Variants in RSPO2 observed in about 807,000 individuals in gnomAD.
RSPO2 encodes the protein R-spondin 2.
A neutral mutation model predicts 30.9 loss-of-function variants in RSPO2; 14 were observed. The ratio of observed to expected loss-of-function variants is 0.45; its 90% CI spans 0.30 to 0.71. RSPO2 has a LOEUF of 0.71. Among genes scored for constraint, RSPO2 ranks in the 30% least tolerant of loss-of-function variants. The probability of loss-of-function intolerance (pLI) is 0.08; values close to 1 mark genes in which losing one functional copy is unlikely to be tolerated. For missense variants in RSPO2, 264 were observed against 301.9 expected, an observed-to-expected ratio of 0.87 and a Z score of 0.93; for synonymous variants, 107 against 96.4, an observed-to-expected ratio of 1.11 and a Z score of -0.64.
At chr8:108,005,555 G>C (rs1394744333) in intron 2 of RSPO2, among the ~76,000 whole-genome samples, 1 of 152,018 alleles carries the variant, frequency 6.6e-6, no homozygotes, top group East Asian at 1.9e-4. Flanking sequence ...CGTCAAACAA[G>C]CAGACAGAAA....
chr8:108,063,056 CA>C (rs58580480), intron 2 of RSPO2, among the ~76,000 whole-genome samples: 7,902 of 151,814 alleles, frequency 0.052, 807 homozygotes, highest in African/African-American at 0.17. Flanking sequence ...CTATTTATGA[CA>C]AACCCACAGC....
intron 2 of RSPO2, among the ~76,000 whole-genome samples, chr8:108,015,561 A>G (rs751690644): frequency 2.6e-5 from 4 of 152,044 alleles, no homozygotes; most frequent in Non-Finnish European, 4.4e-5. Flanking sequence ...GAATCCCGCT[A>G]AGTTAGCCAG....
chr8:108,015,208 G>A (rs961168749), intron 2 of RSPO2, among the ~76,000 whole-genome samples: 5 of 152,098 alleles, frequency 3.3e-5, no homozygotes, highest in African/African-American at 7.2e-5. Context: ...TATACATATT[G>A]AGATTATTTA....
At chr8:107,984,577 C>CT (rs897802258) in intron 3 of RSPO2, among the ~76,000 whole-genome samples, 4 of 152,074 alleles carry the variant, frequency 2.6e-5, no homozygotes, top group Admixed American at 6.5e-5. Flanking sequence ...AATTATTATG[C>CT]TTTTTTAAAC....
chr8:108,077,332 G>C (rs1484763011), intron 2 of RSPO2, among the ~76,000 whole-genome samples: 1 of 152,050 alleles, frequency 6.6e-6, no homozygotes, highest in African/African-American at 2.4e-5. Flanking sequence ...AAGAAGGAGG[G>C]AATCAGCAAT....
chr8:107,937,641 G>C (rs905721940), intron 5 of RSPO2, among the ~76,000 whole-genome samples: 1 of 150,952 alleles, frequency 6.6e-6, no homozygotes, highest in African/African-American at 2.4e-5. Flanking sequence ...AACAGAAGAA[G>C]GTGGCCAGAA....
At chr8:107,926,528 G>A (rs936487937) in intron 5 of RSPO2, among the ~76,000 whole-genome samples, 1 of 152,088 alleles carries the variant, frequency 6.6e-6, no homozygotes, top group Non-Finnish European at 1.5e-5. Flanking sequence ...GGTTTTTATG[G>A]TTTTAGGTCT....
intron 2 of RSPO2, among the ~76,000 whole-genome samples, chr8:108,020,925 T>C (rs892876154): frequency 6.6e-6 from 1 of 152,258 alleles, no homozygotes; most frequent in African/African-American, 2.4e-5. Context: ...TACATTTTCA[T>C]GTGCCCAGAG....
At chr8:108,079,773 C>A (rs1188160336) in intron 2 of RSPO2, among the ~76,000 whole-genome samples, 2 of 151,636 alleles carry the variant, frequency 1.3e-5, no homozygotes, top group South Asian at 2.1e-4. Flanking sequence ...ACTTGTAGCA[C>A]AAAGCCAAGA....
chr8:107,970,140 T>C (rs1813945433), intron 3 of RSPO2, among the ~76,000 whole-genome samples: 1 of 152,180 alleles, frequency 6.6e-6, no homozygotes, highest in African/African-American at 2.4e-5. Flanking sequence ...GACCATACGG[T>C]ATCTGTCTAA....
At chr8:108,011,705 C>T (rs900221479) in intron 2 of RSPO2, among the ~76,000 whole-genome samples, 1 of 152,056 alleles carries the variant, frequency 6.6e-6, no homozygotes, top group Non-Finnish European at 1.5e-5. Flanking sequence ...GAATGTGTGC[C>T]GTTTGAACCA....
intron 5 of RSPO2, among the ~76,000 whole-genome samples, chr8:107,929,121 A>ACGT (rs1812474177): frequency 6.6e-6 from 1 of 152,150 alleles, no homozygotes; most frequent in Admixed American, 6.5e-5. Flanking sequence ...CTGGTAGTAG[A>ACGT]CGTCTCTCTT....
At chr8:108,057,520 G>A (rs1395809709) in intron 2 of RSPO2, among the ~76,000 whole-genome samples, 1 of 152,146 alleles carries the variant, frequency 6.6e-6, no homozygotes, top group Non-Finnish European at 1.5e-5. Context: ...TTTACTACCT[G>A]CTTCCAAGAC....
At position 108,043,968 on chromosome 8, in the gene RSPO2, TG is replaced by T. The variant is rs143582522; in HGVS notation, c.94+38576del. 6.0e-4 allele frequency among the ~76,000 whole-genome samples: 92 copies of T among 152,242 alleles called. No individual in the cohort carries two copies. The East Asian group carries it at 0.018, about 29-fold the overall frequency. ...GTCAATACAAAAGCAATGTTTTTACTGGCTTATAAATAATAATAGTAATACT... is the reference window on the plus strand; with the variant it reads ...GTCAATACAAAAGCAATGTTTTTACTGCTTATAAATAATAATAGTAATACT... On this transcript the variant is annotated intron_variant, in intron 2 of 5. Coordinates refer to ENST00000276659, the MANE Select transcript of RSPO2 (RefSeq NM_178565.5).
intron 2 of RSPO2, among the ~76,000 whole-genome samples, chr8:108,045,269 T>C (rs1811877405): frequency 1.3e-5 from 2 of 151,966 alleles, no homozygotes; most frequent in Non-Finnish European, 2.9e-5. Flanking sequence ...GGGCAAAGGA[T>C]ATGAACAGAC....
At chr8:108,006,482 C>T (rs1248466579) in intron 2 of RSPO2, among the ~76,000 whole-genome samples, 1 of 151,470 alleles carries the variant, frequency 6.6e-6, no homozygotes, top group Non-Finnish European at 1.5e-5. Context: ...AAAATAGGGA[C>T]CTTCAAAGTG....
intron 2 of RSPO2, among the ~76,000 whole-genome samples, chr8:108,048,309 G>A (rs1811969897): frequency 6.6e-6 from 1 of 151,762 alleles, no homozygotes; most frequent in Non-Finnish European, 1.5e-5. Flanking sequence ...GTGGAGCTAA[G>A]CTGTCAACCT....
chr8:107,912,114 GA>G (rs1005608198), intron 5 of RSPO2, among the ~76,000 whole-genome samples: 2 of 151,050 alleles, frequency 1.3e-5, no homozygotes, highest in Admixed American at 1.3e-4. Context: ...AAAACTCAAG[GA>G]AAAAAACAAA....
rs908558732 is a variant in RSPO2, at chr8:107,899,897, A to G, written c.*1178T>C. 7.2e-5 allele frequency: 11 copies of G among 152,228 alleles called. No individual in the cohort carries two copies. Among genetic ancestry groups the G allele is most frequent in the Admixed American group, 1.3e-4 (2 of 15,288 alleles). The allele number at this position is 152,228 out of a possible 1,614,324, so 9.4% of individuals were successfully genotyped here. ...AGAAACCTGTTAAGATCTGACTGGCAGTCACAGAAATTCATCCTTTTATCT... is the reference window on the plus strand; with the variant it reads ...AGAAACCTGTTAAGATCTGACTGGCGGTCACAGAAATTCATCCTTTTATCT... On this transcript the variant is annotated 3_prime_UTR_variant, in exon 6 of 6. Transcript: ENST00000276659.
Sources: allele counts gnomAD v4.1 joint callset (sites outside exome capture counted in the v4.1 genomes callset), GRCh38; gene constraint gnomAD v4.1.1; transcripts MANE v1.5; gene names NCBI Gene and HGNC (gene_info 2026-07-23, HGNC 2026-07-21).